CDC42BPB: variants seen among roughly 807,000 people sequenced by gnomAD.
CDC42BPB encodes the protein CDC42 binding protein kinase beta, also known as serine/threonine-protein kinase MRCK beta.
Under a neutral mutation model 214.9 loss-of-function variants are expected in CDC42BPB, and 37 were observed. That is an observed-to-expected ratio of 0.17 (90% CI 0.13 to 0.23). CDC42BPB has a LOEUF of 0.23. Ranked by LOEUF, CDC42BPB falls within the 10% of genes least tolerant of loss-of-function variation. The pLI, the probability that CDC42BPB is intolerant of heterozygous loss-of-function variation, is 1.00. For synonymous variants in CDC42BPB, 931 were observed against 884.0 expected (o/e 1.05, Z -0.94); for missense variants, 1,694 against 2,227.0 (o/e 0.76, Z 4.82).
intron 23 of CDC42BPB, among the ~76,000 whole-genome samples, chr14:102,953,567 A>G (rs1395327976): frequency 6.6e-6 from 1 of 152,220 alleles, no homozygotes; most frequent in Non-Finnish European, 1.5e-5. Context: ...AAACCACCTT[A>G]GGCCACAGGG....
At chr14:103,046,564 G>A (rs964803889) in intron 1 of CDC42BPB, among the ~76,000 whole-genome samples, 4 of 152,134 alleles carry the variant, frequency 2.6e-5, no homozygotes, top group Non-Finnish European at 5.9e-5. Flanking sequence ...AACGTGTGCA[G>A]GAATCAATAA....
At chr14:102,966,475 C>A in intron 17 of CDC42BPB, 88 bp from the exon 18 acceptor site, 2 of 1,548,568 alleles carry the variant, frequency 1.3e-6, no homozygotes, top group Non-Finnish European at 1.8e-6. Flanking sequence ...CCTTCCTCGG[C>A]ACACAGTGAC....
At chr14:102,981,463 T>G (rs138371635) in intron 7 of CDC42BPB, among the ~76,000 whole-genome samples, 2,908 of 152,190 alleles carry the variant, frequency 0.019, 35 homozygotes, top group Middle Eastern at 0.024. Flanking sequence ...ATTACCTACA[T>G]GCCCATCAAA....
chr14:103,025,537 G>A (rs1047559750), intron 1 of CDC42BPB, among the ~76,000 whole-genome samples: 7 of 151,184 alleles, frequency 4.6e-5, no homozygotes, highest in African/African-American at 1.7e-4. Flanking sequence ...AAAAGGAGGA[G>A]CCAGGTGTGG....
At chr14:103,010,147 C>CGTG (rs1377577812) in intron 2 of CDC42BPB, among the ~76,000 whole-genome samples, 1 of 152,074 alleles carries the variant, frequency 6.6e-6, no homozygotes, top group Non-Finnish European at 1.5e-5. Context: ...ATTAGCCGGG[C>CGTG]GTGGTGGCAC....
intron 18 of CDC42BPB, 51 bp downstream of exon 18, chr14:102,966,231 C>T: frequency 7.5e-7 from 1 of 1,333,050 alleles, no homozygotes; most frequent in African/African-American, 1.4e-5. Context: ...ATACTTAAAA[C>T]CATTAGCGAA....
intron 30 of CDC42BPB, among the ~76,000 whole-genome samples, chr14:102,942,936 T>G (rs1488606246): frequency 6.6e-6 from 1 of 152,168 alleles, no homozygotes; most frequent in East Asian, 1.9e-4. Flanking sequence ...TGGTGCGATC[T>G]CAGCTCACTG....
chr14:102,965,606 C>A (rs1233173921), intron 18 of CDC42BPB, among the ~76,000 whole-genome samples: 1 of 152,078 alleles, frequency 6.6e-6, no homozygotes, highest in East Asian at 1.9e-4. Flanking sequence ...GAAAACCTTT[C>A]ATTGAACACA....
intron 12 of CDC42BPB, 100 bp from the exon 13 acceptor site, chr14:102,972,261 C>T: frequency 6.5e-7 from 1 of 1,546,126 alleles, no homozygotes; most frequent in Non-Finnish European, 8.7e-7. Context: ...AAAGCGACAG[C>T]CAATGCTGGT....
At chr14:103,056,374 A>G (rs116993994) in intron 1 of CDC42BPB, among the ~76,000 whole-genome samples, 4,144 of 152,230 alleles carry the variant, frequency 0.027, 69 homozygotes, top group Non-Finnish European at 0.039. Flanking sequence ...CTGACCAACA[A>G]GGGGATGTAG....
chr14:102,974,004 T>C lies in CDC42BPB; in HGVS notation c.1641+12A>G, dbSNP rs765810139. ...CCCGTAAGCCTTTCTCACCCCAAAC[T>C]GAGCCACCTACCTTGTGCAGCTCCT... On this transcript the variant is annotated intron_variant, in intron 12 of 36. Coordinates refer to ENST00000361246, the MANE Select transcript of CDC42BPB (RefSeq NM_006035.4). The C allele has an allele frequency of 7.5e-6, 12 of 1,592,614 alleles. No individual in the cohort carries two copies. Among genetic ancestry groups the C allele is most frequent in the South Asian group, 5.6e-5 (5 of 89,404 alleles).
intron 4 of CDC42BPB, among the ~76,000 whole-genome samples, chr14:103,000,665 C>T (rs1046190466): frequency 6.6e-6 from 1 of 152,222 alleles, no homozygotes; most frequent in East Asian, 1.9e-4. Flanking sequence ...TTAACTAACC[C>T]GCACAGGGAG....
rs779400283 is a variant in CDC42BPB, at chr14:102,966,277, C to T, written c.2577+5G>A. ...ATAGAAATGCAGGCATTACACAAAA[C>T]CTACCAGTGTTCTTGACCCCAGACT... is the stretch of plus-strand genomic sequence containing the variant. On this transcript the variant is annotated splice_donor_5th_base_variant and intron_variant, in intron 18 of 36. Transcript: ENST00000361246. 1.9e-6 allele frequency: 3 copies of T among 1,606,682 alleles called. No individual in the cohort carries two copies. The highest frequency in any genetic ancestry group is 1.7e-6 in the Non-Finnish European group (2 of 1,173,312).
chr14:102,981,251 T>C, intron 7 of CDC42BPB: 1 of 914,508 alleles, frequency 1.1e-6, no homozygotes, highest in Non-Finnish European at 1.3e-6. Context: ...TGCATGTAAA[T>C]GACACATTTT....
At chr14:102,980,699 A>G in intron 8 of CDC42BPB, 74 bp downstream of exon 8, 1 of 1,421,892 alleles carries the variant, frequency 7.0e-7, no homozygotes, top group Non-Finnish European at 9.9e-7. Context: ...TGACTTGATA[A>G]GCAACGCCCT....
At chr14:102,942,893 G>C (rs893490956) in intron 30 of CDC42BPB, among the ~76,000 whole-genome samples, 1 of 152,152 alleles carries the variant, frequency 6.6e-6, no homozygotes, top group Admixed American at 6.5e-5. Flanking sequence ...GTTTAAGACG[G>C]AGTCTCGCTC....
At chr14:102,976,732 C>T (rs1893763539) in intron 9 of CDC42BPB, among the ~76,000 whole-genome samples, 1 of 152,234 alleles carries the variant, frequency 6.6e-6, no homozygotes, top group Non-Finnish European at 1.5e-5. Flanking sequence ...TTAGAGAAGA[C>T]CTGGTCAGTG....
At chr14:102,940,896 G>A (rs538247464) in intron 30 of CDC42BPB, 39 of 172,772 alleles carry the variant, frequency 2.3e-4, no homozygotes, top group Admixed American at 5.5e-4. Flanking sequence ...GAGGGCATAT[G>A]CAAGCGAGGC....
intron 16 of CDC42BPB, chr14:102,967,459 T>C: frequency 1.7e-6 from 1 of 599,652 alleles, no homozygotes; most frequent in Non-Finnish European, 2.1e-6. Context: ...CATGACTCCA[T>C]TCAAAAATTA....
Sources: allele counts gnomAD v4.1 joint callset (sites outside exome capture counted in the v4.1 genomes callset), GRCh38; gene constraint gnomAD v4.1.1; transcripts MANE v1.5; gene names NCBI Gene and HGNC (gene_info 2026-07-23, HGNC 2026-07-21).